CADPS2: variants seen among roughly 807,000 people sequenced by gnomAD.
The protein encoded by CADPS2 is calcium-dependent secretion activator 2.
In CADPS2, 93 loss-of-function variants were observed where a neutral mutation model predicts 172.5. That is an observed-to-expected ratio of 0.54 (90% CI 0.46 to 0.64). The LOEUF (loss-of-function observed/expected upper bound fraction) is 0.64. Ranked by LOEUF, CADPS2 falls within the 30% of genes least tolerant of loss-of-function variation. The pLI is 0.00. For synonymous variants in CADPS2, 546 were observed against 555.2 expected, an observed-to-expected ratio of 0.98 and a Z score of 0.23; for missense variants, 1,420 against 1,565.9, an observed-to-expected ratio of 0.91 and a Z score of 1.57.
chr7:122,744,521 C>A (rs1471338017), intron 1 of CADPS2, among the ~76,000 whole-genome samples: 1 of 152,140 alleles, frequency 6.6e-6, no homozygotes, highest in Non-Finnish European at 1.5e-5. Context: ...AACTCCTTAT[C>A]CAATAAACTT....
At chr7:122,372,685 A>G (rs897695103) in intron 25 of CADPS2, among the ~76,000 whole-genome samples, 3 of 152,222 alleles carry the variant, frequency 2.0e-5, no homozygotes, top group African/African-American at 7.2e-5. Context: ...ATTTTCATCT[A>G]CTTTATGTTG....
At chr7:122,362,594 C>T (rs925488426) in intron 25 of CADPS2, among the ~76,000 whole-genome samples, 3 of 152,164 alleles carry the variant, frequency 2.0e-5, no homozygotes, top group African/African-American at 7.2e-5. Context: ...GAATGACATA[C>T]TGCCCTACAT....
intron 8 of CADPS2, among the ~76,000 whole-genome samples, chr7:122,542,286 C>T (rs2063181528): frequency 6.6e-6 from 1 of 152,072 alleles, no homozygotes; most frequent in South Asian, 2.1e-4. Flanking sequence ...TATGATATTA[C>T]ACTATCCTTT....
intron 9 of CADPS2, 126 bp from the exon 10 acceptor site, chr7:122,491,546 A>G: frequency 5.4e-6 from 3 of 556,558 alleles, no homozygotes; most frequent in Non-Finnish European, 9.2e-6. Context: ...AAATTATTAA[A>G]TTTTAGCATT....
chr7:122,808,938 G>T (rs1474140118), intron 1 of CADPS2, among the ~76,000 whole-genome samples: 1 of 152,052 alleles, frequency 6.6e-6, no homozygotes, highest in Non-Finnish European at 1.5e-5. Context: ...AGTTCAGATT[G>T]TCATACTAAT....
At chr7:122,734,075 T>G (rs1024573225) in intron 2 of CADPS2, among the ~76,000 whole-genome samples, 1 of 151,938 alleles carries the variant, frequency 6.6e-6, no homozygotes, top group Non-Finnish European at 1.5e-5. Context: ...AGGTCTTGTA[T>G]GGAACCTAAG....
intron 20 of CADPS2, among the ~76,000 whole-genome samples, chr7:122,406,911 G>A (rs775193395): frequency 3.3e-5 from 5 of 152,164 alleles, no homozygotes; most frequent in East Asian, 3.8e-4. Flanking sequence ...CTAGGAATCC[G>A]TATGTTAAAA....
chr7:122,403,930 T>C (rs537767465), intron 20 of CADPS2, among the ~76,000 whole-genome samples: 30 of 152,320 alleles, frequency 2.0e-4, no homozygotes, highest in African/African-American at 6.5e-4. Context: ...AATTACAATA[T>C]TTTGAATAAG....
chr7:122,657,486 G>C (rs2079952811), intron 3 of CADPS2, among the ~76,000 whole-genome samples: 1 of 152,094 alleles, frequency 6.6e-6, no homozygotes, highest in Non-Finnish European at 1.5e-5. Flanking sequence ...TTATTTCGTT[G>C]AGCAGTGGTT....
chr7:122,837,527 A>G (rs893652264), intron 1 of CADPS2, among the ~76,000 whole-genome samples: 1 of 152,118 alleles, frequency 6.6e-6, no homozygotes, highest in Non-Finnish European at 1.5e-5. Context: ...TTGATAGACC[A>G]CTAGCAAGAC....
intron 8 of CADPS2, among the ~76,000 whole-genome samples, chr7:122,552,526 A>G (rs2064432219): frequency 6.6e-6 from 1 of 152,036 alleles, no homozygotes; most frequent in Admixed American, 6.6e-5. Context: ...TGTGATAAAA[A>G]CATACCCTAC....
intron 7 of CADPS2, among the ~76,000 whole-genome samples, chr7:122,568,200 A>G (rs1162669239): frequency 1.3e-5 from 2 of 152,102 alleles, no homozygotes; most frequent in African/African-American, 4.8e-5. Flanking sequence ...GGAGTTCAAG[A>G]CCAGCCTGGG....
intron 8 of CADPS2, among the ~76,000 whole-genome samples, chr7:122,520,420 A>G (rs955948401): frequency 2.0e-5 from 3 of 151,962 alleles, no homozygotes; most frequent in Non-Finnish European, 4.4e-5. Context: ...AGTAAGTTTA[A>G]CCATTAAGCC....
intron 3 of CADPS2, among the ~76,000 whole-genome samples, chr7:122,648,523 C>T (rs747304193): frequency 6.6e-6 from 1 of 151,950 alleles, no homozygotes; most frequent in Non-Finnish European, 1.5e-5. Flanking sequence ...CGTCATACAC[C>T]AAGAGCCTAG....
chr7:122,439,823 T>C (rs2051120566), intron 16 of CADPS2, among the ~76,000 whole-genome samples: 1 of 152,194 alleles, frequency 6.6e-6, no homozygotes, highest in African/African-American at 2.4e-5. Context: ...TAATTTTGTT[T>C]CATATGCGGA....
chr7:122,529,348 T>C (rs1384217523), intron 8 of CADPS2, among the ~76,000 whole-genome samples: 1 of 152,004 alleles, frequency 6.6e-6, no homozygotes, highest in East Asian at 1.9e-4. Flanking sequence ...TAAAAACACA[T>C]TTGGAGTAAA....
At chr7:122,871,628 G>A (rs1023018495) in intron 1 of CADPS2, among the ~76,000 whole-genome samples, 1 of 152,174 alleles carries the variant, frequency 6.6e-6, no homozygotes. Context: ...GTCTGAAAAC[G>A]TGGCTTGTGT....
At chr7:122,346,119 C>T (rs2037611905) in intron 27 of CADPS2, among the ~76,000 whole-genome samples, 1 of 151,992 alleles carries the variant, frequency 6.6e-6, no homozygotes, top group Non-Finnish European at 1.5e-5. Context: ...GCAATCCCAG[C>T]ACTTTGAAAG....
chr7:122,861,978 A>G (rs1817065804), intron 1 of CADPS2, among the ~76,000 whole-genome samples: 1 of 152,206 alleles, frequency 6.6e-6, no homozygotes, highest in African/African-American at 2.4e-5. Context: ...TAAAATGAGG[A>G]AAATTTTAGA....
Sources: gnomAD v4.1 joint callset for allele counts (sites outside exome capture counted in the v4.1 genomes callset) on GRCh38, gnomAD v4.1.1 for gene constraint, MANE v1.5 for transcripts, NCBI Gene and HGNC (gene_info 2026-07-23, HGNC 2026-07-21) for gene names.